The following ATAD2B variants were observed in gnomAD, a reference collection of about 807,000 sequenced individuals.
The protein encoded by ATAD2B is ATPase family AAA domain-containing protein 2B.
In ATAD2B, 40 loss-of-function variants were observed where a neutral mutation model predicts 167.6. The ratio of observed to expected loss-of-function variants is 0.24; its 90% CI spans 0.19 to 0.31. The LOEUF (loss-of-function observed/expected upper bound fraction) is 0.31, where lower values mean the gene tolerates loss of function less well. Among genes scored for constraint, ATAD2B ranks in the 10% least tolerant of loss-of-function variants. The probability of loss-of-function intolerance (pLI) is 1.00; values close to 1 mark genes in which losing one functional copy is unlikely to be tolerated. For missense variants in ATAD2B, 1,242 were observed against 1,757.2 expected, an observed-to-expected ratio of 0.71 and a Z score of 5.24; for synonymous variants, 579 against 596.5, an observed-to-expected ratio of 0.97 and a Z score of 0.43.
chr2:23,844,998 A>C (rs112888800), intron 13 of ATAD2B, among the ~76,000 whole-genome samples: 1 of 152,150 alleles, frequency 6.6e-6, no homozygotes, highest in African/African-American at 2.4e-5. Flanking sequence ...TACATTACAT[A>C]CAAAGAAACA....
At chr2:23,835,889 T>C (rs1457594769) in intron 13 of ATAD2B, among the ~76,000 whole-genome samples, 1 of 151,204 alleles carries the variant, frequency 6.6e-6, no homozygotes, top group East Asian at 1.9e-4. Flanking sequence ...TGAGCTGAAG[T>C]CGCACCATTG....
intron 1 of ATAD2B, among the ~76,000 whole-genome samples, chr2:23,897,575 AT>A (rs1177304787): frequency 3.9e-5 from 6 of 152,146 alleles, no homozygotes; most frequent in African/African-American, 1.2e-4. Flanking sequence ...ATTCATTTAT[AT>A]TTTTATCAGT....
At chr2:23,809,282 T>C (rs1380643334) in intron 18 of ATAD2B, 5 of 152,136 alleles carry the variant, frequency 3.3e-5, no homozygotes, top group Non-Finnish European at 5.9e-5. Flanking sequence ...TAGATAGCAT[T>C]TAATTCAAGG....
the ATAD2B span, among the ~76,000 whole-genome samples, chr2:23,682,133 G>T: frequency 6.6e-6 from 1 of 151,878 alleles, no homozygotes; most frequent in African/African-American, 2.4e-5. The surrounding 1 kb of genome is among the most constrained non-coding windows in gnomAD (Gnocchi z 4.1). Context: ...CTTCCTTCCT[G>T]CACTGAGCCC....
At chr2:23,771,255 C>CTTCT (rs1029819163) in intron 22 of ATAD2B, among the ~76,000 whole-genome samples, 1 of 152,166 alleles carries the variant, frequency 6.6e-6, no homozygotes, top group Non-Finnish European at 1.5e-5. Context: ...AACAGGTTTA[C>CTTCT]TTCTTTCTTT....
At chr2:23,742,704 TAATAA>T in the ATAD2B span, among the ~76,000 whole-genome samples, 1 of 151,248 alleles carries the variant, frequency 6.6e-6, no homozygotes, top group Non-Finnish European at 1.5e-5. Context: ...TGAAGTATAA[TAATAA>T]AATACAAATT....
the ATAD2B span, among the ~76,000 whole-genome samples, chr2:23,687,032 T>C: frequency 2.0e-4 from 31 of 152,228 alleles, no homozygotes; most frequent in African/African-American, 6.7e-4. Context: ...GAAGCTGATG[T>C]AACCATGTCT....
chr2:23,797,951 C>T (rs900339680), intron 19 of ATAD2B, among the ~76,000 whole-genome samples, 187 bp downstream of exon 19: 1 of 152,032 alleles, frequency 6.6e-6, no homozygotes, highest in African/African-American at 2.4e-5. Flanking sequence ...CTGTGGAATA[C>T]CACTATACCA....
chr2:23,888,003 T>G lies in ATAD2B; in HGVS notation c.419-18A>C, dbSNP rs1428063239. 2.0e-6 allele frequency: 3 copies of G among 1,526,582 alleles called. No homozygotes were observed. Among genetic ancestry groups the G allele is most frequent in the Admixed American group, 2.5e-5 (1 of 40,252 alleles). The allele number at this position is 1,526,582 out of a possible 1,614,324, so 94.6% of individuals were successfully genotyped here. The stretch of plus-strand genomic sequence containing the variant: ...TCGAAGGGCTACAAGAAGAGAGATA[T>G]TTACATTTCAAAGTACAGAATACAG... On this transcript the variant is annotated intron_variant, in intron 3 of 27. Transcript: ENST00000238789.
At chr2:23,817,279 G>A (rs1686589341) in intron 17 of ATAD2B, among the ~76,000 whole-genome samples, 1 of 152,124 alleles carries the variant, frequency 6.6e-6, no homozygotes, top group South Asian at 2.1e-4. Flanking sequence ...CAGGATCATG[G>A]GCAATTTATT....
chr2:23,870,455 T>C (rs1455434124), intron 8 of ATAD2B, among the ~76,000 whole-genome samples: 3 of 151,572 alleles, frequency 2.0e-5, no homozygotes, highest in African/African-American at 4.8e-5. Flanking sequence ...CTGGCTAGTT[T>C]TTGTACTTTT....
the ATAD2B span, among the ~76,000 whole-genome samples, chr2:23,711,342 CTTTTTTTTTTTTTTTTTTTT>C: frequency 2.3e-4 from 18 of 79,790 alleles, no homozygotes; most frequent in African/African-American, 4.9e-4. Context: ...GAATTTCTTT[CTTTTTTTTTTTTTTTTTTTT>C]TTTTTTTTTT....
chr2:23,910,943 T>C (rs1044464670), intron 1 of ATAD2B, among the ~76,000 whole-genome samples: 20 of 151,588 alleles, frequency 1.3e-4, no homozygotes, highest in African/African-American at 3.2e-4. Context: ...AAAGGTAACA[T>C]AGGCCGGGTG....
At chr2:23,908,481 A>G (rs371418991) in intron 1 of ATAD2B, among the ~76,000 whole-genome samples, 9 of 152,228 alleles carry the variant, frequency 5.9e-5, no homozygotes, top group East Asian at 1.9e-4. Flanking sequence ...AAAAAGTCAG[A>G]AAACAACAGG....
intron 15 of ATAD2B, among the ~76,000 whole-genome samples, chr2:23,826,067 T>C (rs1490037100): frequency 2.6e-5 from 4 of 152,140 alleles, no homozygotes; most frequent in Non-Finnish European, 4.4e-5. Flanking sequence ...TCACCTTGAT[T>C]ATCCATCTGA....
intron 12 of ATAD2B, among the ~76,000 whole-genome samples, chr2:23,858,541 G>C (rs1250137503): frequency 7.3e-6 from 1 of 137,380 alleles, no homozygotes; most frequent in Non-Finnish European, 1.5e-5. Context: ...ACTCAGGCTT[G>C]AGTGCAGTGG....
chr2:23,886,749 G>C (rs1333634133), intron 4 of ATAD2B, among the ~76,000 whole-genome samples: 1 of 150,432 alleles, frequency 6.6e-6, no homozygotes, highest in African/African-American at 2.4e-5. Flanking sequence ...GGCTAACACG[G>C]TGAAACCCCA....
At chr2:23,922,701 C>CAA (rs11386515) in intron 1 of ATAD2B, among the ~76,000 whole-genome samples, 124 of 126,394 alleles carry the variant, frequency 9.8e-4, no homozygotes, top group East Asian at 1.5e-3. Flanking sequence ...GACTCTGTCT[C>CAA]AAAAAAAAAA....
chr2:23,919,845 CAAAAAA>C (rs369120454), intron 1 of ATAD2B, among the ~76,000 whole-genome samples: 1 of 91,922 alleles, frequency 1.1e-5, no homozygotes, highest in Admixed American at 1.2e-4. Flanking sequence ...AACTCTGTTT[CAAAAAA>C]AAAAAAAAAA....
Sources: allele counts gnomAD v4.1 joint callset (sites outside exome capture counted in the v4.1 genomes callset), GRCh38; gene constraint gnomAD v4.1.1; non-coding constraint Gnocchi (gnomAD v3.1); transcripts MANE v1.5; gene names NCBI Gene and HGNC (gene_info 2026-07-23, HGNC 2026-07-21).